The following RALGAPA2 variants were observed in gnomAD, a reference collection of about 807,000 sequenced individuals.
RALGAPA2 encodes ral GTPase-activating protein subunit alpha-2.
Under a neutral mutation model 230.4 loss-of-function variants are expected in RALGAPA2, and 139 were observed. The observed-to-expected ratio is 0.60, with a 90% CI of 0.53 to 0.69. RALGAPA2 has a LOEUF of 0.69. RALGAPA2 is among the 30% of genes least tolerant of loss of function. RALGAPA2 has a pLI of 0.00. For missense variants in RALGAPA2, 2,163 were observed against 2,276.0 expected (o/e 0.95, Z 1.01); for synonymous variants, 847 against 837.8 (o/e 1.01, Z -0.19).
chr20:20,682,668 C>T (rs1369649895), intron 1 of RALGAPA2, among the ~76,000 whole-genome samples: 2 of 152,192 alleles, frequency 1.3e-5, no homozygotes, highest in East Asian at 1.9e-4. Context: ...GTCTATGAGA[C>T]ATATTCCCTG....
At chr20:20,605,441 C>A in intron 14 of RALGAPA2, 29 bp from the exon 15 acceptor site, 1 of 1,475,712 alleles carries the variant, frequency 6.8e-7, no homozygotes, top group Middle Eastern at 1.7e-4. Flanking sequence ...CAAGAGAATT[C>A]ACACATCTTC....
At position 20,391,265 on chromosome 20, in the gene RALGAPA2, C is replaced by G. The variant is rs1165263179; in HGVS notation, c.*2024G>C. ...GTGATGGTGGCCAAGCTATGCTGCC[C>G]AGATGTCTGGAATCATTTAAAATAA... On this transcript the variant is annotated 3_prime_UTR_variant, in exon 40 of 40. Coordinates refer to ENST00000202677, the MANE Select transcript of RALGAPA2 (RefSeq NM_020343.4). 2.0e-5 allele frequency: 3 copies of G among 152,158 alleles called. 1 individual carries two copies. Among genetic ancestry groups the G allele is most frequent in the Admixed American group, 1.3e-4 (2 of 15,274 alleles). The allele number at this position is 152,158 out of a possible 1,614,324, so 9.4% of individuals were successfully genotyped here. A position where few individuals can be genotyped will look rare whatever the true frequency, so the allele number is the denominator to read the frequency against.
At chr20:20,459,750 C>T (rs1246576041) in intron 37 of RALGAPA2, among the ~76,000 whole-genome samples, 1 of 152,144 alleles carries the variant, frequency 6.6e-6, no homozygotes, top group Non-Finnish European at 1.5e-5. Flanking sequence ...TGACATTTCC[C>T]ACCTATCAAG....
At chr20:20,588,130 T>C (rs894884843) in intron 18 of RALGAPA2, among the ~76,000 whole-genome samples, 1 of 152,176 alleles carries the variant, frequency 6.6e-6, no homozygotes, top group Non-Finnish European at 1.5e-5. Context: ...ATAGCCATCA[T>C]AGAGAAAACA....
At chr20:20,558,930 GA>G (rs2064170581) in intron 23 of RALGAPA2, among the ~76,000 whole-genome samples, 1 of 152,036 alleles carries the variant, frequency 6.6e-6, no homozygotes, top group Non-Finnish European at 1.5e-5. Flanking sequence ...AGGTTTGGGT[GA>G]AAATGAGTCT....
chr20:20,536,068 G>A (rs1569468925), intron 25 of RALGAPA2, among the ~76,000 whole-genome samples: 1 of 152,236 alleles, frequency 6.6e-6, no homozygotes, highest in Non-Finnish European at 1.5e-5. Flanking sequence ...CAGACTTCCA[G>A]ATAGGAAAAT....
rs143469616 is a variant in RALGAPA2 at position 20,413,066 on chromosome 20, G to A, written c.5496-918C>T. Among the ~76,000 whole-genome samples the A allele has an allele frequency of 3.8e-3, 582 of 152,284 alleles. 6 individuals carry two copies. Among genetic ancestry groups the A allele is most frequent in the African/African-American group, 0.014 (564 of 41,558 alleles). ...TAACACTTGGGGAAGTCCGCATGAC[G>A]TCTCATTTTCCCCTTCCTCATTATC... On this transcript the variant is annotated intron_variant, in intron 37 of 39. Coordinates refer to ENST00000202677, the MANE Select transcript of RALGAPA2 (RefSeq NM_020343.4).
intron 1 of RALGAPA2, among the ~76,000 whole-genome samples, chr20:20,692,246 TA>T (rs1441932342): frequency 6.6e-6 from 1 of 152,252 alleles, no homozygotes; most frequent in Non-Finnish European, 1.5e-5. Context: ...GTTTCTTACA[TA>T]CAATTACAGC....
chr20:20,582,155 T>A (rs1419268383), intron 20 of RALGAPA2, among the ~76,000 whole-genome samples: 1 of 143,498 alleles, frequency 7.0e-6, no homozygotes, highest in Non-Finnish European at 1.5e-5. Flanking sequence ...TTACCCAGTG[T>A]CACACAGTGT....
chr20:20,549,453 C>A (rs2063863394), intron 23 of RALGAPA2, among the ~76,000 whole-genome samples: 2 of 152,216 alleles, frequency 1.3e-5, no homozygotes, highest in East Asian at 3.9e-4. Context: ...CCTACCCTAC[C>A]CTGCCACCCA....
chr20:20,555,461 C>T (rs553496135), intron 23 of RALGAPA2, among the ~76,000 whole-genome samples: 1 of 152,292 alleles, frequency 6.6e-6, no homozygotes, highest in Admixed American at 6.5e-5. Flanking sequence ...GCAAAAACCA[C>T]CATTGAAATT....
chr20:20,504,877 T>C (rs1161285836), intron 34 of RALGAPA2: 1 of 541,872 alleles, frequency 1.8e-6, no homozygotes, highest in Non-Finnish European at 2.4e-6. Context: ...TAAATGTATA[T>C]ATGTCTGTAT....
intron 20 of RALGAPA2, among the ~76,000 whole-genome samples, chr20:20,580,414 T>C (rs905054551): frequency 1.3e-5 from 2 of 152,122 alleles, no homozygotes; most frequent in African/African-American, 4.8e-5. Flanking sequence ...AGTTCTCACA[T>C]ACTAAGTCAA....
chr20:20,666,426 G>T (rs567585597), intron 3 of RALGAPA2, among the ~76,000 whole-genome samples: 1 of 152,292 alleles, frequency 6.6e-6, no homozygotes, highest in East Asian at 1.9e-4. Flanking sequence ...GATTTTAGAA[G>T]AATCTGCTTT....
chr20:20,436,400 A>G (rs2060613222), intron 37 of RALGAPA2, among the ~76,000 whole-genome samples: 1 of 152,238 alleles, frequency 6.6e-6, no homozygotes, highest in East Asian at 1.9e-4. Flanking sequence ...ACAATTTAAT[A>G]GGGTAGATCT....
chr20:20,426,475 G>C (rs2060385112), intron 37 of RALGAPA2, among the ~76,000 whole-genome samples: 1 of 152,240 alleles, frequency 6.6e-6, no homozygotes. Flanking sequence ...GAGTGGGGTA[G>C]TGAAGCCACC....
intron 36 of RALGAPA2, among the ~76,000 whole-genome samples, chr20:20,488,331 A>G (rs6137044): frequency 0.045 from 6,868 of 152,220 alleles, 297 homozygotes; most frequent in East Asian, 0.14. Context: ...AAAAGTGTGG[A>G]GGATTGTCAG....
intron 10 of RALGAPA2, among the ~76,000 whole-genome samples, chr20:20,621,099 C>T (rs762625734): frequency 1.8e-4 from 27 of 151,274 alleles, no homozygotes; most frequent in Admixed American, 1.5e-3. Flanking sequence ...CAAGGTCGCA[C>T]CACTGCACTC....
Position 20,392,212 on chromosome 20 carries a change from A to G in RALGAPA2, c.*1077T>C, listed in dbSNP as rs1205348473. On this transcript the variant is annotated 3_prime_UTR_variant, in exon 40 of 40. Coordinates refer to ENST00000202677, the MANE Select transcript of RALGAPA2 (RefSeq NM_020343.4). ...AAAAAAAAACAACAACAACAAAAAA[A>G]CAGGTCTAATAAGCCTTCCTTGGAG... 6.6e-6 allele frequency: 1 copy of G among 152,288 alleles called. No individual in the cohort carries two copies. Among genetic ancestry groups the G allele is most frequent in the Non-Finnish European group, 1.5e-5 (1 of 68,054 alleles). The allele number at this position is 152,288 out of a possible 1,614,324, so 9.4% of individuals were successfully genotyped here.
Sources: gnomAD v4.1 joint callset for allele counts (sites outside exome capture counted in the v4.1 genomes callset) on GRCh38, gnomAD v4.1.1 for gene constraint, MANE v1.5 for transcripts, NCBI Gene and HGNC (gene_info 2026-07-23, HGNC 2026-07-21) for gene names.